EXOG: variants seen among roughly 807,000 people sequenced by gnomAD.
The protein encoded by EXOG is nuclease EXOG, mitochondrial.
A neutral mutation model predicts 25.8 loss-of-function variants in EXOG; 27 were observed. The ratio of observed to expected loss-of-function variants is 1.05; its 90% confidence interval spans 0.77 to 1.45. The LOEUF is 1.45. Among genes scored for constraint, EXOG ranks in the 40% most tolerant of loss-of-function variants. EXOG has a pLI of 0.00. For synonymous variants in EXOG, 133 were observed against 167.0 expected (o/e 0.80, Z 1.57); for missense variants, 458 against 450.5 (o/e 1.02, Z -0.15).
chr3:38,522,421 G>A (rs1426201118), intron 5 of EXOG, among the ~76,000 whole-genome samples: 3 of 152,220 alleles, frequency 2.0e-5, no homozygotes, highest in Non-Finnish European at 4.4e-5. Context: ...CAATGAGCAT[G>A]TTTTAGTTGG....
intron 5 of EXOG, among the ~76,000 whole-genome samples, chr3:38,517,587 T>G (rs1256584753): frequency 6.6e-6 from 1 of 152,344 alleles, no homozygotes; most frequent in Non-Finnish European, 1.5e-5. Context: ...ACATTTATTT[T>G]TAGCCTTTTG....
At chr3:38,503,324 CCCTTAAG>C (rs1165292075) in intron 3 of EXOG, among the ~76,000 whole-genome samples, 4 of 152,098 alleles carry the variant, frequency 2.6e-5, no homozygotes, top group Non-Finnish European at 5.9e-5. Context: ...CCAGAATTTG[CCCTTAAG>C]CTTTGTGTTG....
At chr3:38,515,090 C>T (rs762327620) in intron 5 of EXOG, among the ~76,000 whole-genome samples, 15 of 151,766 alleles carry the variant, frequency 9.9e-5, no homozygotes, top group Non-Finnish European at 1.6e-4. Flanking sequence ...TTATAGATAA[C>T]TTTTTTTTGC....
At chr3:38,504,365 C>A (rs1181643722) in intron 4 of EXOG, among the ~76,000 whole-genome samples, 1 of 149,512 alleles carries the variant, frequency 6.7e-6, no homozygotes, top group African/African-American at 2.4e-5. Context: ...GACCCTATCT[C>A]AAAAAAAAAA....
intron 5 of EXOG, chr3:38,523,424 T>A (rs2060783197): frequency 1.6e-6 from 1 of 611,900 alleles, no homozygotes; most frequent in Non-Finnish European, 2.0e-6. Flanking sequence ...AGTGCAGTGG[T>A]GCAATCTCGG....
chr3:38,522,476 A>C (rs1368734548), intron 5 of EXOG, among the ~76,000 whole-genome samples: 2 of 151,978 alleles, frequency 1.3e-5, no homozygotes, highest in African/African-American at 4.8e-5. Flanking sequence ...GATGTTGAGT[A>C]TTTTCTTTTT....
At chr3:38,510,058 C>T (rs1235222869) in intron 5 of EXOG, among the ~76,000 whole-genome samples, 1 of 152,122 alleles carries the variant, frequency 6.6e-6, no homozygotes, top group African/African-American at 2.4e-5. Context: ...AGTGAAGAAA[C>T]ATCCCATTAC....
Position 38,525,910 on chromosome 3 carries a change from C to T in EXOG, c.*1548C>T, listed in dbSNP as rs997810848. The T allele has an allele frequency of 2.2e-5, 20 of 898,048 alleles. No individual in the cohort carries two copies. In the South Asian group the frequency reaches 5.6e-4, roughly 25 times the overall value. 55.6% of individuals were successfully genotyped at this position (898,048 alleles called of 1,614,324 possible). A position where few individuals can be genotyped will look rare whatever the true frequency, so the allele number is the denominator to read the frequency against. On this transcript the variant is annotated 3_prime_UTR_variant, in exon 6 of 6. Coordinates refer to ENST00000287675, the MANE Select transcript of EXOG (RefSeq NM_005107.4). ...GATGGGACATGGTCATGCCACTGGA[C>T]GCCAGCCTGGGCCACAGAGGGAGAC...
chr3:38,504,563 G>A lies in EXOG; in HGVS notation c.530+872G>A, dbSNP rs1383630908. 2.0e-5 allele frequency among the ~76,000 whole-genome samples: 3 copies of A among 152,036 alleles called. No individual in the cohort carries two copies. In the East Asian group the frequency reaches 5.9e-4, roughly 30 times the overall value. On this transcript the variant is annotated intron_variant, in intron 4 of 5. Transcript: ENST00000287675. ...CGATTCTCCTGCCTCAGCCTCCCGAGTAGCTGGGATTATAGGCACACGCCA... is the reference window on the plus strand; with the variant it reads ...CGATTCTCCTGCCTCAGCCTCCCGAATAGCTGGGATTATAGGCACACGCCA...
chr3:38,513,655 C>T (rs2060441280), intron 5 of EXOG: 1 of 151,826 alleles, frequency 6.6e-6, no homozygotes, highest in Non-Finnish European at 1.5e-5. Context: ...TTCTTGGAGC[C>T]CTCTGACTTT....
chr3:38,502,377 G>A (rs2060072971), intron 3 of EXOG, among the ~76,000 whole-genome samples: 1 of 151,882 alleles, frequency 6.6e-6, no homozygotes, highest in Non-Finnish European at 1.5e-5. Context: ...CTATAGTCAT[G>A]TTTCATCATG....
At chr3:38,498,509 C>T (rs967556262) in intron 2 of EXOG, among the ~76,000 whole-genome samples, 2 of 151,120 alleles carry the variant, frequency 1.3e-5, no homozygotes, top group African/African-American at 2.4e-5. Flanking sequence ...GAGCCAAGAT[C>T]GCAGCACCAC....
chr3:38,521,813 G>GTACC (rs1169282102), intron 5 of EXOG, among the ~76,000 whole-genome samples: 1 of 152,166 alleles, frequency 6.6e-6, no homozygotes, highest in Non-Finnish European at 1.5e-5. Flanking sequence ...CCCACTCTAG[G>GTACC]TGGTAAGTTT....
rs777845196 is a variant in EXOG, at chr3:38,524,501, G to A, written c.*139G>A. The A allele has an allele frequency of 4.3e-6, 6 of 1,391,968 alleles. No homozygotes were observed. The highest frequency in any genetic ancestry group is 5.6e-6 in the Non-Finnish European group (6 of 1,063,216). 86.2% of individuals were successfully genotyped at this position (1,391,968 alleles called of 1,614,324 possible). A position where few individuals can be genotyped will look rare whatever the true frequency, so the allele number is the denominator to read the frequency against. Reference sequence around the variant, plus strand: ...GATGTGGTCTCGCCGTGTCATCCAGGCTGGAGTGCAGTGGTGGAATCATAG... The same window carrying A: ...GATGTGGTCTCGCCGTGTCATCCAGACTGGAGTGCAGTGGTGGAATCATAG... On this transcript the variant is annotated 3_prime_UTR_variant, in exon 6 of 6. Transcript: ENST00000287675.
At chr3:38,499,035 G>A (rs1189495079) in intron 2 of EXOG, 9 of 455,154 alleles carry the variant, frequency 2.0e-5, no homozygotes, top group Non-Finnish European at 4.0e-5. Context: ...TTTTACTTGT[G>A]TTTATTGATT....
chr3:38,516,169 A>T (rs1237576544), intron 5 of EXOG, among the ~76,000 whole-genome samples: 1 of 151,950 alleles, frequency 6.6e-6, no homozygotes, highest in Non-Finnish European at 1.5e-5. Flanking sequence ...GCCATTCCAT[A>T]TATTTATGTG....
intron 5 of EXOG, among the ~76,000 whole-genome samples, chr3:38,514,770 T>G (rs183635043): frequency 4.9e-5 from 3 of 60,952 alleles, no homozygotes; most frequent in East Asian, 1.3e-3. Flanking sequence ...CTCCCCCCCC[T>G]CCCCCTGCTT....
At position 38,496,363 on chromosome 3, in the gene EXOG, G is replaced by T. The variant is rs770202760; in HGVS notation, c.-5G>T. ...CCGTGGTAAAAGGCCGGTACCTCGG[G>T]CAAGATGGCTATCAAGAGTATCGCT... On this transcript the variant is annotated 5_prime_UTR_variant, in exon 1 of 6. Transcript: ENST00000287675. 6.2e-7 allele frequency: 1 copy of T among 1,612,098 alleles called. No individual in the cohort carries two copies. The highest frequency in any genetic ancestry group is 1.7e-5 in the Admixed American group (1 of 59,830).
At position 38,497,792 on chromosome 3, in the gene EXOG, T is replaced by TA. The variant is rs754444764; in HGVS notation, c.313+21dup. ...GCAAGATAATGGGTAGGTGGTTGGA[T>TA]AAAAAAACTGAAGTAACAGTATTTA... is the stretch of plus-strand genomic sequence containing the variant. On this transcript the variant is annotated intron_variant, in intron 2 of 5. Transcript: ENST00000287675. 3.8e-6 allele frequency: 6 copies of TA among 1,584,518 alleles called. No homozygotes were observed. In the South Asian group the frequency reaches 7.1e-5, roughly 19 times the overall value.
Sources: gnomAD v4.1 joint callset for allele counts (sites outside exome capture counted in the v4.1 genomes callset) on GRCh38, gnomAD v4.1.1 for gene constraint, MANE v1.5 for transcripts, NCBI Gene and HGNC (gene_info 2026-07-23, HGNC 2026-07-21) for gene names.